Variants in CAMK1D observed in about 807,000 individuals in gnomAD.
CAMK1D encodes calcium/calmodulin-dependent protein kinase type 1D.
Under a neutral mutation model 47.7 loss-of-function variants are expected in CAMK1D, and 9 were observed. The ratio of observed to expected loss-of-function variants is 0.19; its 90% CI spans 0.11 to 0.33. The LOEUF (loss-of-function observed/expected upper bound fraction) is 0.33, where lower values mean the gene tolerates loss of function less well. Among genes scored for constraint, CAMK1D ranks in the 10% least tolerant of loss-of-function variants. The pLI, the probability that CAMK1D is intolerant of heterozygous loss-of-function variation, is 1.00. For missense variants in CAMK1D, 291 were observed against 488.7 expected (o/e 0.60, Z 3.81); for synonymous variants, 184 against 184.9 (o/e 0.99, Z 0.04).
rs768000055 is a variant in CAMK1D at position 12,427,700 on chromosome 10, GTT to G, written c.92+77814_92+77815del. ...CTTTCCTGGCTTCACTGAACTTACT[GTT>G]TTTTTTTTTTTTTTTTTTTTTTTGA... On this transcript the variant is annotated intron_variant, in intron 1 of 10. Transcript: ENST00000619168. Among the ~76,000 whole-genome samples the G allele has an allele frequency of 5.5e-3, 172 of 31,030 alleles. 1 individual carries two copies. The highest frequency in any genetic ancestry group is 9.7e-3 in the African/African-American group (91 of 9,400). 20.4% of individuals were successfully genotyped at this position (31,030 alleles called of 152,430 possible).
rs541208341 is a variant in CAMK1D at position 12,368,997 on chromosome 10, T to A, written c.92+19087T>A. On this transcript the variant is annotated intron_variant, in intron 1 of 10. Transcript: ENST00000619168. ...CAAGCCTGGCTAATTTTTTGTATTT[T>A]ATAGAGATGGGTTTTCACTATGTTG... is the stretch of plus-strand genomic sequence containing the variant. 7.9e-5 allele frequency among the ~76,000 whole-genome samples: 12 copies of A among 152,170 alleles called. No homozygotes were observed. The East Asian group carries it at 2.3e-3, about 29-fold the overall frequency.
intron 1 of CAMK1D, among the ~76,000 whole-genome samples, chr10:12,480,539 C>T (rs914578427): frequency 4.6e-5 from 7 of 152,232 alleles, no homozygotes; most frequent in Non-Finnish European, 8.8e-5. Context: ...TTTGATAGCA[C>T]TTGCTGTGTG....
At chr10:12,364,069 G>A (rs1033988569) in intron 1 of CAMK1D, among the ~76,000 whole-genome samples, 13 of 151,948 alleles carry the variant, frequency 8.6e-5, no homozygotes, top group Admixed American at 5.9e-4. Context: ...TTTGCAGTGT[G>A]GTTTTTGCAT....
chr10:12,518,961 A>C (rs1192814795), intron 1 of CAMK1D, among the ~76,000 whole-genome samples: 28 of 125,760 alleles, frequency 2.2e-4, no homozygotes, highest in African/African-American at 8.1e-4. Context: ...ATTCCACAAA[A>C]CCGCCATTGT....
At chr10:12,561,758 T>C (rs978241263) in intron 2 of CAMK1D, among the ~76,000 whole-genome samples, 18 of 152,232 alleles carry the variant, frequency 1.2e-4, no homozygotes, top group Admixed American at 8.5e-4. Flanking sequence ...CATGGTGTTT[T>C]GTCCCTTGCA....
chr10:12,647,606 C>T (rs543275750), intron 2 of CAMK1D, among the ~76,000 whole-genome samples: 49 of 152,140 alleles, frequency 3.2e-4, no homozygotes, highest in East Asian at 2.9e-3. Context: ...TTCAGTTGGG[C>T]GGGAATTGTT....
chr10:12,557,566 A>G (rs1386455502), intron 2 of CAMK1D, among the ~76,000 whole-genome samples: 3 of 151,790 alleles, frequency 2.0e-5, no homozygotes, highest in African/African-American at 7.3e-5. Context: ...AAAAAAAAAA[A>G]AAAAGAAAAA....
chr10:12,685,200 C>T (rs1832608170), intron 3 of CAMK1D, among the ~76,000 whole-genome samples: 1 of 152,134 alleles, frequency 6.6e-6, no homozygotes, highest in African/African-American at 2.4e-5. Flanking sequence ...ACTCGGGAGG[C>T]TGAGGCAGGA....
intron 1 of CAMK1D, among the ~76,000 whole-genome samples, chr10:12,414,968 G>GA (rs921127880): frequency 2.6e-5 from 4 of 151,818 alleles, no homozygotes; most frequent in East Asian, 1.9e-4. Flanking sequence ...ATTTCTTCGG[G>GA]AAAAAAAATC....
intron 2 of CAMK1D, among the ~76,000 whole-genome samples, chr10:12,563,700 G>GAGAGAGAGAGAGAGAGA (rs1564414542): frequency 8.2e-5 from 7 of 85,236 alleles, no homozygotes; most frequent in Admixed American, 2.3e-4. Flanking sequence ...AGAGAGAGAG[G>GAGAGAGAGAGAGAGAGA]GAGAGAGAGG....
chr10:12,640,441 C>T (rs1041147398), intron 2 of CAMK1D, among the ~76,000 whole-genome samples: 7 of 152,018 alleles, frequency 4.6e-5, no homozygotes, highest in African/African-American at 7.3e-5. Flanking sequence ...TAAGCTAGCA[C>T]GGTGCTTTCA....
intron 6 of CAMK1D, among the ~76,000 whole-genome samples, chr10:12,803,721 T>C (rs1468880720): frequency 6.6e-6 from 1 of 152,100 alleles, no homozygotes; most frequent in Non-Finnish European, 1.5e-5. Context: ...GCCTTTGTTT[T>C]TTTCTAGACC....
chr10:12,664,086 A>G (rs186306933), intron 2 of CAMK1D, among the ~76,000 whole-genome samples: 10 of 152,224 alleles, frequency 6.6e-5, no homozygotes, highest in African/African-American at 2.4e-4. Context: ...GACCTTCTCC[A>G]TAATTCTGAC....
intron 1 of CAMK1D, among the ~76,000 whole-genome samples, chr10:12,435,221 C>CAAAAA (rs910066372): frequency 0.025 from 998 of 39,782 alleles, 2 homozygotes; most frequent in Middle Eastern, 0.042. Context: ...AACTCTGTCT[C>CAAAAA]AAAAAAAAAA....
chr10:12,656,811 C>CT (rs1181758795), intron 2 of CAMK1D, among the ~76,000 whole-genome samples: 2 of 152,130 alleles, frequency 1.3e-5, no homozygotes, highest in African/African-American at 2.4e-5. Flanking sequence ...CACAAGATCT[C>CT]TAACTATACA....
intron 1 of CAMK1D, among the ~76,000 whole-genome samples, chr10:12,379,813 A>G (rs1214186022): frequency 2.0e-5 from 3 of 152,164 alleles, no homozygotes; most frequent in African/African-American, 7.2e-5. Context: ...AGTTTTTACC[A>G]TTCAGATTCA....
intron 8 of CAMK1D, among the ~76,000 whole-genome samples, chr10:12,818,429 G>C (rs964430581): frequency 6.6e-5 from 10 of 152,204 alleles, no homozygotes; most frequent in Admixed American, 1.3e-4. Context: ...CCAGCACTTT[G>C]GGAGGCCAAG....
intron 1 of CAMK1D, among the ~76,000 whole-genome samples, chr10:12,440,389 G>A (rs1242756579): frequency 6.6e-6 from 1 of 151,912 alleles, no homozygotes; most frequent in Non-Finnish European, 1.5e-5. Flanking sequence ...GAGGCAGGAG[G>A]CAATTCTTCT....
chr10:12,690,157 C>G (rs1013806639), intron 3 of CAMK1D, among the ~76,000 whole-genome samples: 1 of 152,204 alleles, frequency 6.6e-6, no homozygotes, highest in African/African-American at 2.4e-5. Flanking sequence ...ACGCCTGTCT[C>G]ACATGACTGT....
Sources: gnomAD v4.1 joint callset for allele counts (sites outside exome capture counted in the v4.1 genomes callset) on GRCh38, gnomAD v4.1.1 for gene constraint, MANE v1.5 for transcripts, NCBI Gene and HGNC (gene_info 2026-07-23, HGNC 2026-07-21) for gene names.